Variants in LPA observed in about 807,000 individuals in gnomAD.
LPA encodes the protein apolipoprotein(a).
A neutral mutation model predicts 197.9 loss-of-function variants in LPA; 199 were observed. That is an observed-to-expected ratio of 1.01 (90% confidence interval 0.90 to 1.13). The LOEUF (loss-of-function observed/expected upper bound fraction) is 1.13. Among genes scored for constraint, LPA ranks in the 50% most tolerant of loss-of-function variants. The pLI is 0.00. For synonymous variants in LPA, 715 were observed against 639.5 expected, an observed-to-expected ratio of 1.12 and a Z score of -1.78; for missense variants, 1,853 against 1,785.8, an observed-to-expected ratio of 1.04 and a Z score of -0.68.
rs149397737 is a variant in LPA, at chr6:160,537,443, G to A, written c.5842+412C>T. ...ACTGTTTTGCACCATGTTTAGAAAC[G>A]CAGTCTGTCTAATTTCACATGAAAA... On this transcript the variant is annotated intron_variant, in intron 37 of 38. Transcript: ENST00000316300. Among the ~76,000 whole-genome samples the A allele has an allele frequency of 7.3e-3, 1,109 of 152,268 alleles. 14 individuals carry two copies. The highest frequency in any genetic ancestry group is 0.026 in the African/African-American group (1,067 of 41,542).
chr6:160,563,330 T>G (rs528166446), intron 28 of LPA, among the ~76,000 whole-genome samples: 4 of 152,362 alleles, frequency 2.6e-5, no homozygotes, highest in Admixed American at 6.5e-5. Flanking sequence ...ATTTACCCAG[T>G]AGTAATTCAG....
At chr6:160,647,722 TAC>T (rs1397474217) in intron 2 of LPA, among the ~76,000 whole-genome samples, 3 of 152,228 alleles carry the variant, frequency 2.0e-5, no homozygotes, top group Admixed American at 6.5e-5. Context: ...GTAAGAAACT[TAC>T]AGTGGTACAC....
In LPA at chr6:160,548,551, T is replaced by C. The variant is rs912819361; in HGVS notation, c.5082A>G (p.Ser1694=). ...GAGCGACCACAGTCCCTTCTGTGTC[T>C]GAGCATCGCGTCAGGTTGCAGTACT... ...RWEYCNLTRC[S]DTEGTVVAPP... is the part of the protein sequence containing the mutation. The change falls in exon 31 of 39, where the codon TCA becomes TCG. Residue 1694 remains serine, a synonymous_variant. Transcript: ENST00000316300. 1.2e-6 allele frequency: 2 copies of C among 1,614,014 alleles called. No individual in the cohort carries two copies. Among genetic ancestry groups the C allele is most frequent in the Non-Finnish European group, 1.7e-6 (2 of 1,180,014 alleles).
At chr6:160,574,088 TG>T (rs1778611498) in intron 28 of LPA, among the ~76,000 whole-genome samples, 1 of 151,988 alleles carries the variant, frequency 6.6e-6, no homozygotes, top group Admixed American at 6.6e-5. Flanking sequence ...CTGTATGGTG[TG>T]GGGGTGAAGT....
chr6:160,658,059 G>A (rs1780161241), intron 1 of LPA, among the ~76,000 whole-genome samples: 1 of 152,124 alleles, frequency 6.6e-6, no homozygotes, highest in African/African-American at 2.4e-5. Context: ...GGCCATCACT[G>A]TTGCCTCAAG....
intron 35 of LPA, 141 bp from the exon 36 acceptor site, chr6:160,540,324 C>A: frequency 1.2e-6 from 1 of 868,356 alleles, no homozygotes; most frequent in East Asian, 2.5e-5. Flanking sequence ...ACAAAATTCA[C>A]AATTTGCTGG....
intron 28 of LPA, among the ~76,000 whole-genome samples, chr6:160,571,411 G>T (rs1371482155): frequency 6.6e-6 from 1 of 152,172 alleles, no homozygotes; most frequent in East Asian, 1.9e-4. Context: ...GCTGTGTTGG[G>T]GGATCTGGTG....
chr6:160,588,363 T>TTTAGGAATAAGATGATC (rs1190925137), intron 24 of LPA, among the ~76,000 whole-genome samples: 1 of 152,100 alleles, frequency 6.6e-6, no homozygotes, highest in African/African-American at 2.4e-5. Context: ...TCACCTTGAT[T>TTTAGGAATAAGATGATC]CTAGGAATAA....
In LPA at chr6:160,548,510, T is replaced by C. The variant is rs1303922654; in HGVS notation, c.5123A>G (p.Gln1708Arg). The change falls in exon 31 of 39, where the codon CAG becomes CGG. Residue 1708 changes from glutamine (Q) to arginine (R), a missense_variant. Coordinates refer to ENST00000316300, the MANE Select transcript of LPA (RefSeq NM_005577.4). ...AGAAGGAGGCCCTAGGCTTGGAACC[T>C]GGATGACAGTCGGAGGAGCGACCAC... ...GTVVAPPTVI[Q>R]VPSLGPPSEQ... is the part of the protein sequence containing the mutation. 4.3e-6 allele frequency: 7 copies of C among 1,613,960 alleles called. No individual in the cohort carries two copies. Among genetic ancestry groups the C allele is most frequent in the Admixed American group, 3.3e-5 (2 of 59,998 alleles).
At chr6:160,575,930 C>T (rs1778646305) in intron 28 of LPA, among the ~76,000 whole-genome samples, 1 of 152,130 alleles carries the variant, frequency 6.6e-6, no homozygotes, top group African/African-American at 2.4e-5. Flanking sequence ...TCCCAGCTGC[C>T]TTTGTAATCC....
chr6:160,573,393 C>T, intron 28 of LPA, among the ~76,000 whole-genome samples: 1 of 151,516 alleles, frequency 6.6e-6, no homozygotes, highest in East Asian at 1.9e-4. Context: ...TTCTCTGGTC[C>T]CTCCCTGATT....
chr6:160,657,580 G>A (rs1298985112), intron 1 of LPA, among the ~76,000 whole-genome samples: 1 of 151,982 alleles, frequency 6.6e-6, no homozygotes, highest in Admixed American at 6.5e-5. Flanking sequence ...TGTATTTTTA[G>A]CAGAGATGGG....
At chr6:160,571,711 G>A (rs1403875227) in intron 28 of LPA, among the ~76,000 whole-genome samples, 1 of 152,156 alleles carries the variant, frequency 6.6e-6, no homozygotes, top group African/African-American at 2.4e-5. Flanking sequence ...CAGTATTTGT[G>A]GATACCCCTC....
At chr6:160,606,687 A>G (rs758202909) in intron 16 of LPA, 29 bp from the exon 17 acceptor site, 7 of 1,613,082 alleles carry the variant, frequency 4.3e-6, no homozygotes, top group Non-Finnish European at 5.1e-6. Flanking sequence ...TACACGTCAC[A>G]AGAGGTGGGA....
At chr6:160,652,629 TA>T (rs1228846078) in intron 1 of LPA, among the ~76,000 whole-genome samples, 1 of 152,010 alleles carries the variant, frequency 6.6e-6, no homozygotes, top group Non-Finnish European at 1.5e-5. Flanking sequence ...AATGGTAAAA[TA>T]AAGAAATTAT....
intron 30 of LPA, among the ~76,000 whole-genome samples, chr6:160,551,510 A>G (rs1298845796): frequency 6.6e-6 from 1 of 152,180 alleles, no homozygotes; most frequent in Non-Finnish European, 1.5e-5. Flanking sequence ...CTTAACAATG[A>G]CTTTTGGTAA....
chr6:160,599,961 CAG>C (rs1489356440), intron 19 of LPA, among the ~76,000 whole-genome samples: 4 of 152,160 alleles, frequency 2.6e-5, no homozygotes, highest in Non-Finnish European at 5.9e-5. Context: ...GGAATCTCTA[CAG>C]AGTGTTCATG....
chr6:160,602,332 C>T (rs375676688), intron 18 of LPA, among the ~76,000 whole-genome samples: 1 of 152,148 alleles, frequency 6.6e-6, no homozygotes, highest in Non-Finnish European at 1.5e-5. Context: ...TCCCTTTGGA[C>T]CCACAAATTC....
Position 160,594,023 on chromosome 6 carries a change from T to C in LPA, c.3564A>G (p.Thr1188=). The C allele has an allele frequency of 6.2e-7, 1 of 1,614,028 alleles. No individual in the cohort carries two copies. Among genetic ancestry groups the C allele is most frequent in the Non-Finnish European group, 8.5e-7 (1 of 1,179,886 alleles). The change falls in exon 22 of 39, where the codon ACA becomes ACG. Residue 1188 remains threonine (T), a synonymous_variant. Coordinates refer to ENST00000316300, the MANE Select transcript of LPA (RefSeq NM_005577.4). The part of the protein sequence containing the change: ...GSFSTTVTGR[T]CQSWSSMTPH... ...GTGTCATAGAGGACCAAGACTGACA[T>C]GTCCTTCCTGTGACAGTGGTAGAGA...
Sources: allele counts gnomAD v4.1 joint callset (sites outside exome capture counted in the v4.1 genomes callset), GRCh38; gene constraint gnomAD v4.1.1; transcripts MANE v1.5; gene names NCBI Gene and HGNC (gene_info 2026-07-23, HGNC 2026-07-21).